CHST9: variants seen among roughly 807,000 people sequenced by gnomAD.
CHST9 encodes the protein GalNAc-4-sulfotransferase 2.
Under a neutral mutation model 44.4 loss-of-function variants are expected in CHST9, and 41 were observed. The observed-to-expected ratio is 0.92, with a 90% CI of 0.72 to 1.20. The LOEUF (loss-of-function observed/expected upper bound fraction) is 1.20. CHST9 is among the 50% of genes most tolerant of loss of function. The pLI, the probability that CHST9 is intolerant of heterozygous loss-of-function variation, is 0.00. For missense variants in CHST9, 504 were observed against 516.5 expected (o/e 0.98, Z 0.23); for synonymous variants, 171 against 178.4 (o/e 0.96, Z 0.33).
intron 2 of CHST9, among the ~76,000 whole-genome samples, chr18:27,075,994 C>A (rs62082864): frequency 0.021 from 3,169 of 152,278 alleles, 44 homozygotes; most frequent in Non-Finnish European, 0.032. Flanking sequence ...ACCCGAGTAG[C>A]CATTGGAGGC....
chr18:26,924,609 C>G, intron 5 of CHST9: 1 of 961,518 alleles, frequency 1.0e-6, no homozygotes, highest in Non-Finnish European at 1.2e-6. Context: ...TTCACACCAT[C>G]AAGGAGACCT....
intron 2 of CHST9, among the ~76,000 whole-genome samples, chr18:27,092,281 G>A (rs2058076685): frequency 6.6e-6 from 1 of 152,132 alleles, no homozygotes; most frequent in Admixed American, 6.5e-5. Context: ...TGTGGGATTG[G>A]TGGTGATATC....
At chr18:27,118,770 T>C (rs11660451) in intron 2 of CHST9, among the ~76,000 whole-genome samples, 49,823 of 152,148 alleles carry the variant, frequency 0.33, 8,496 homozygotes, top group East Asian at 0.49. Context: ...ACTTAGCCAC[T>C]GGTGAGGTCA....
chr18:27,073,335 G>C (rs192542023), intron 2 of CHST9, among the ~76,000 whole-genome samples: 307 of 146,094 alleles, frequency 2.1e-3, no homozygotes, highest in African/African-American at 7.5e-3. Flanking sequence ...GACAACCCAG[G>C]ATAAGAATGA....
At chr18:27,062,346 G>A (rs2057733259) in intron 2 of CHST9, among the ~76,000 whole-genome samples, 1 of 151,226 alleles carries the variant, frequency 6.6e-6, no homozygotes. Flanking sequence ...GGTGTGTGAT[G>A]TTCCCCTTCC....
chr18:27,105,392 A>G (rs2058212318), intron 2 of CHST9, among the ~76,000 whole-genome samples: 1 of 152,108 alleles, frequency 6.6e-6, no homozygotes. Context: ...TGTCAGACCA[A>G]TCTGAGGACT....
intron 4 of CHST9, among the ~76,000 whole-genome samples, chr18:27,013,855 G>A (rs1239778927): frequency 2.0e-5 from 3 of 152,142 alleles, no homozygotes; most frequent in Admixed American, 6.6e-5. Flanking sequence ...TGTAGAAAAT[G>A]TAAACTAATT....
At chr18:27,032,771 G>T (rs1418826264) in intron 3 of CHST9, among the ~76,000 whole-genome samples, 1 of 152,150 alleles carries the variant, frequency 6.6e-6, no homozygotes, top group African/African-American at 2.4e-5. Flanking sequence ...AACTCTATGA[G>T]ATAAAAAGAT....
chr18:26,939,941 C>G (rs1216948898), intron 5 of CHST9, among the ~76,000 whole-genome samples: 3 of 152,172 alleles, frequency 2.0e-5, no homozygotes, highest in African/African-American at 2.4e-5. Context: ...TCCATACCCC[C>G]TCCCCAAGCA....
At chr18:27,067,544 T>C (rs1390968041) in intron 2 of CHST9, among the ~76,000 whole-genome samples, 3 of 152,204 alleles carry the variant, frequency 2.0e-5, no homozygotes, top group Admixed American at 1.3e-4. Flanking sequence ...AATGGTGGGA[T>C]AGTACCCAAG....
At chr18:27,171,060 G>T (rs143745456) in intron 1 of CHST9, among the ~76,000 whole-genome samples, 1 of 152,170 alleles carries the variant, frequency 6.6e-6, no homozygotes, top group South Asian at 2.1e-4. Flanking sequence ...GAAGAAAAGC[G>T]CATGACTACA....
chr18:27,075,616 CTT>C (rs946739666), intron 2 of CHST9, among the ~76,000 whole-genome samples: 1 of 152,184 alleles, frequency 6.6e-6, no homozygotes, highest in African/African-American at 2.4e-5. Context: ...ACCAGAAACA[CTT>C]TGTTTTTAAC....
At chr18:27,032,879 C>T (rs1247286173) in intron 3 of CHST9, among the ~76,000 whole-genome samples, 2 of 152,138 alleles carry the variant, frequency 1.3e-5, no homozygotes, top group Non-Finnish European at 2.9e-5. Flanking sequence ...GAAACGAGAG[C>T]CTGCACTCTT....
intron 2 of CHST9, among the ~76,000 whole-genome samples, chr18:27,085,765 T>A (rs1041322068): frequency 6.6e-6 from 1 of 152,142 alleles, no homozygotes; most frequent in East Asian, 1.9e-4. Flanking sequence ...TTTCAGTTAA[T>A]AGGTATATAC....
intron 2 of CHST9, among the ~76,000 whole-genome samples, chr18:27,102,679 G>A (rs545698702): frequency 6.6e-6 from 1 of 152,322 alleles, no homozygotes; most frequent in Admixed American, 6.5e-5. Context: ...ATCTTTGGAT[G>A]AGATTGGGTT....
chr18:26,939,384 G>C (rs1354134580), intron 5 of CHST9, among the ~76,000 whole-genome samples: 1 of 152,164 alleles, frequency 6.6e-6, no homozygotes, highest in Non-Finnish European at 1.5e-5. Context: ...GTCTAGGAAG[G>C]TGGGGAGAAT....
intron 2 of CHST9, among the ~76,000 whole-genome samples, chr18:27,080,178 T>C (rs2057946448): frequency 6.6e-6 from 1 of 151,918 alleles, no homozygotes; most frequent in Admixed American, 6.6e-5. Context: ...AAAATGACCA[T>C]AAAACAAGGT....
chr18:27,058,997 C>G (rs2057690732), intron 2 of CHST9, among the ~76,000 whole-genome samples: 1 of 151,876 alleles, frequency 6.6e-6, no homozygotes, highest in Non-Finnish European at 1.5e-5. Context: ...TAGATTCCTT[C>G]TTTCCTAAGA....
chr18:26,973,566 T>G (rs2056580587), intron 4 of CHST9, among the ~76,000 whole-genome samples: 1 of 152,248 alleles, frequency 6.6e-6, no homozygotes, highest in Non-Finnish European at 1.5e-5. Context: ...TAAACTTTCT[T>G]AAAACATGAC....
Sources: allele counts gnomAD v4.1 joint callset (sites outside exome capture counted in the v4.1 genomes callset), GRCh38; gene constraint gnomAD v4.1.1; transcripts MANE v1.5; gene names NCBI Gene and HGNC (gene_info 2026-07-23, HGNC 2026-07-21).